The following CSMD1 variants were observed in gnomAD, a reference collection of about 807,000 sequenced individuals.
CSMD1 encodes CUB and sushi domain-containing protein 1.
In CSMD1, 213 loss-of-function variants were observed where a neutral mutation model predicts 417.5. The ratio of observed to expected loss-of-function variants is 0.51; its 90% CI spans 0.46 to 0.57. The LOEUF (loss-of-function observed/expected upper bound fraction) is 0.57. Among genes scored for constraint, CSMD1 ranks in the 20% least tolerant of loss-of-function variants. CSMD1 has a pLI of 0.00. For missense variants in CSMD1, 6,923 were observed against 4,529.7 expected (o/e 1.53, Z -15.17); for synonymous variants, 2,862 against 1,736.8 (o/e 1.65, Z -16.11).
intron 6 of CSMD1, among the ~76,000 whole-genome samples, chr8:3,733,291 C>T: frequency 6.9e-6 from 1 of 145,182 alleles, no homozygotes; most frequent in Non-Finnish European, 1.5e-5. Flanking sequence ...CATAAATATA[C>T]ATATGAATAT....
At chr8:4,280,901 C>T (rs911065788) in intron 3 of CSMD1, among the ~76,000 whole-genome samples, 2 of 152,162 alleles carry the variant, frequency 1.3e-5, no homozygotes, top group Non-Finnish European at 2.9e-5. Context: ...AATTAGTTGT[C>T]ATGGAAGTTG....
At chr8:3,459,723 G>A (rs1585197292) in intron 12 of CSMD1, among the ~76,000 whole-genome samples, 1 of 152,050 alleles carries the variant, frequency 6.6e-6, no homozygotes, top group Non-Finnish European at 1.5e-5. Context: ...CATCATTCAG[G>A]GACCCAAGCA....
intron 1 of CSMD1, among the ~76,000 whole-genome samples, chr8:4,912,135 A>AAAAAAAGAAAAAG (rs1554518070): frequency 8.6e-6 from 1 of 115,612 alleles, no homozygotes; most frequent in Non-Finnish European, 1.9e-5. Flanking sequence ...AAAAAAAAAA[A>AAAAAAAGAAAAAG]AAAAAAGAAA....
chr8:3,491,310 A>T lies in CSMD1; in HGVS notation c.1448+2313T>A, dbSNP rs571892893. Among the ~76,000 whole-genome samples, 3 of 152,328 alleles carry T rather than the reference A, an allele frequency of 2.0e-5. No homozygotes were observed. In the South Asian group the frequency reaches 6.2e-4, roughly 32 times the overall value. On this transcript the variant is annotated intron_variant, in intron 11 of 69. Transcript: ENST00000635120. ...TGAACTGGGGTAAATCCTTTAACCT[A>T]TCAAAACTTCAGCTTCATCAATGAT...
At chr8:3,370,250 C>G (rs1186807290) in intron 18 of CSMD1, among the ~76,000 whole-genome samples, 1 of 152,190 alleles carries the variant, frequency 6.6e-6, no homozygotes, top group Non-Finnish European at 1.5e-5. Context: ...CTTAAGACCT[C>G]TCAAGCTATC....
chr8:2,990,497 C>T (rs912227679), intron 54 of CSMD1, among the ~76,000 whole-genome samples: 1 of 152,176 alleles, frequency 6.6e-6, no homozygotes, highest in Non-Finnish European at 1.5e-5. Flanking sequence ...GTGAGCCTCT[C>T]TCTACGAACC....
At chr8:3,961,188 G>A (rs868070148) in intron 5 of CSMD1, among the ~76,000 whole-genome samples, 1 of 152,062 alleles carries the variant, frequency 6.6e-6, no homozygotes, top group Non-Finnish European at 1.5e-5. Flanking sequence ...CTGCCTATAA[G>A]CATGAAAGTC....
chr8:4,952,160 C>A (rs985853504), intron 1 of CSMD1, among the ~76,000 whole-genome samples: 2 of 151,790 alleles, frequency 1.3e-5, no homozygotes, highest in African/African-American at 4.8e-5. Flanking sequence ...TTAAAATTAT[C>A]ACACACACCT....
At chr8:4,890,405 G>A (rs183646636) in intron 1 of CSMD1, among the ~76,000 whole-genome samples, 2 of 152,002 alleles carry the variant, frequency 1.3e-5, no homozygotes, top group Non-Finnish European at 2.9e-5. Flanking sequence ...TCCTGGGCAA[G>A]ACAGGTGAGA....
At chr8:4,219,045 T>A (rs1800860268) in intron 3 of CSMD1, among the ~76,000 whole-genome samples, 1 of 152,160 alleles carries the variant, frequency 6.6e-6, no homozygotes, top group South Asian at 2.1e-4. Context: ...ACTAAAATGG[T>A]CATACGTTAG....
chr8:3,412,439 G>A (rs572089955), intron 12 of CSMD1, among the ~76,000 whole-genome samples: 23 of 152,204 alleles, frequency 1.5e-4, no homozygotes, highest in African/African-American at 5.5e-4. Flanking sequence ...ACGTTCAGAG[G>A]TTGATCCAGA....
At chr8:4,038,865 G>C (rs552461781) in intron 3 of CSMD1, among the ~76,000 whole-genome samples, 4 of 152,220 alleles carry the variant, frequency 2.6e-5, no homozygotes, top group Admixed American at 1.3e-4. Flanking sequence ...CTTGAAACTT[G>C]AAACATAGGC....
rs900892252 is a variant in CSMD1, at chr8:3,733,002, T to C, written c.931+20928A>G. On this transcript the variant is annotated intron_variant, in intron 6 of 69. Coordinates refer to ENST00000635120, the MANE Select transcript of CSMD1 (RefSeq NM_033225.6). ...ACCTACCTACCTACCTACCTAAAGATACGTGTGCCCTGATCAAGGGAAATC... is the reference window on the plus strand; with the variant it reads ...ACCTACCTACCTACCTACCTAAAGACACGTGTGCCCTGATCAAGGGAAATC... Among the ~76,000 whole-genome samples the C allele has an allele frequency of 7.9e-5, 12 of 152,060 alleles. 1 individual carries two copies. Among genetic ancestry groups the C allele is most frequent in the African/African-American group, 2.9e-4 (12 of 41,406 alleles).
At chr8:3,713,078 G>A (rs75173771) in intron 6 of CSMD1, among the ~76,000 whole-genome samples, 14,893 of 152,094 alleles carry the variant, frequency 0.098, 912 homozygotes, top group East Asian at 0.24. Flanking sequence ...AAATAAATAT[G>A]ACGAATCTCT....
intron 1 of CSMD1, among the ~76,000 whole-genome samples, chr8:4,819,142 C>A (rs1210742969): frequency 6.6e-6 from 1 of 152,176 alleles, no homozygotes; most frequent in Non-Finnish European, 1.5e-5. Flanking sequence ...CTCATGCGTC[C>A]TTCTGCTCTA....
intron 10 of CSMD1, among the ~76,000 whole-genome samples, chr8:3,542,180 A>C (rs1009516396): frequency 2.6e-5 from 4 of 152,170 alleles, no homozygotes; most frequent in African/African-American, 9.7e-5. Context: ...CAAAACTAAG[A>C]GTCTTGCTTG....
chr8:4,317,364 G>A (rs1406091534), intron 3 of CSMD1, among the ~76,000 whole-genome samples: 1 of 152,168 alleles, frequency 6.6e-6, no homozygotes, highest in African/African-American at 2.4e-5. Flanking sequence ...TGTGTTATAA[G>A]CTGTGGCTCT....
intron 3 of CSMD1, among the ~76,000 whole-genome samples, chr8:4,205,669 C>A (rs1200464556): frequency 6.6e-6 from 1 of 151,908 alleles, no homozygotes; most frequent in Non-Finnish European, 1.5e-5. Flanking sequence ...TGTTGTGGCT[C>A]ATTTGGGAAA....
intron 26 of CSMD1, among the ~76,000 whole-genome samples, chr8:3,266,511 C>T (rs879821690): frequency 2.4e-4 from 35 of 145,984 alleles, no homozygotes; most frequent in African/African-American, 8.6e-4. Flanking sequence ...GAGGCTGAGG[C>T]AGGAGAATCA....
Sources: gnomAD v4.1 joint callset for allele counts (sites outside exome capture counted in the v4.1 genomes callset) on GRCh38, gnomAD v4.1.1 for gene constraint, MANE v1.5 for transcripts, NCBI Gene and HGNC (gene_info 2026-07-23, HGNC 2026-07-21) for gene names.